Variants in TRHDE observed in about 807,000 individuals in gnomAD.
TRHDE encodes thyrotropin-releasing hormone-degrading ectoenzyme.
A neutral mutation model predicts 125.7 loss-of-function variants in TRHDE; 72 were observed. That is an observed-to-expected ratio of 0.57 (90% CI 0.47 to 0.70). The LOEUF is 0.70. TRHDE is among the 30% of genes least tolerant of loss of function. The pLI, the probability that TRHDE is intolerant of heterozygous loss-of-function variation, is 0.00. For missense variants in TRHDE, 1,110 were observed against 1,327.1 expected (o/e 0.84, Z 2.54); for synonymous variants, 509 against 509.1 (o/e 1.00, Z 0.00).
At chr12:72,259,524 T>C (rs1185521391) in intron 2 of TRHDE, among the ~76,000 whole-genome samples, 1 of 152,206 alleles carries the variant, frequency 6.6e-6, no homozygotes, top group African/African-American at 2.4e-5. Context: ...TGCTCAGGCA[T>C]TGTTGCTCCC....
At chr12:72,162,529 G>A (rs901105775) in intron 2 of TRHDE, among the ~76,000 whole-genome samples, 4 of 152,164 alleles carry the variant, frequency 2.6e-5, no homozygotes, top group African/African-American at 7.2e-5. Context: ...CACAGTAGTG[G>A]CAGAATGTTT....
chr12:72,213,224 A>G (rs1235902516), intron 2 of TRHDE, among the ~76,000 whole-genome samples: 2 of 152,060 alleles, frequency 1.3e-5, no homozygotes, highest in Admixed American at 6.6e-5. Flanking sequence ...GTTAATGGGT[A>G]TTGGTTGCTT....
chr12:72,149,420 C>G (rs1047143391), intron 2 of TRHDE, among the ~76,000 whole-genome samples: 9 of 152,070 alleles, frequency 5.9e-5, no homozygotes, highest in African/African-American at 2.2e-4. Flanking sequence ...TCTGGTATTG[C>G]TTAATTATGA....
At chr12:72,518,247 T>C (rs1440936747) in intron 6 of TRHDE, among the ~76,000 whole-genome samples, 3 of 146,426 alleles carry the variant, frequency 2.0e-5, no homozygotes, top group Non-Finnish European at 3.0e-5. Flanking sequence ...CAGTGGGGTG[T>C]TAAAGTCTCC....
At chr12:72,395,498 T>C (rs2135795877) in intron 3 of TRHDE, among the ~76,000 whole-genome samples, 1 of 152,154 alleles carries the variant, frequency 6.6e-6, no homozygotes, top group Middle Eastern at 3.4e-3. Flanking sequence ...CTCCAACAAC[T>C]TGTCACCCTC....
At chr12:72,542,173 T>C (rs530536915) in intron 6 of TRHDE, 118 bp from the exon 7 acceptor site, 2 of 635,234 alleles carry the variant, frequency 3.1e-6, no homozygotes, top group South Asian at 4.0e-5. Context: ...TACTGCTGTT[T>C]CTTAATTATT....
intron 6 of TRHDE, among the ~76,000 whole-genome samples, chr12:72,518,997 G>C: frequency 6.6e-6 from 1 of 152,236 alleles, no homozygotes; most frequent in Non-Finnish European, 1.5e-5. Context: ...GGCTGGTAGA[G>C]TTTCTGCCGA....
rs1875030184 is a variant in TRHDE at position 72,664,226 on chromosome 12, TA to T, written c.*1032del. Reference sequence around the variant, plus strand: ...TTTGCATGAAACAATTATGCAAACTTATAATTATTAGTGCTGAAAAAGAGTT... The same window carrying T: ...TTTGCATGAAACAATTATGCAAACTTTAATTATTAGTGCTGAAAAAGAGTT... On this transcript the variant is annotated 3_prime_UTR_variant, in exon 19 of 19. Transcript: ENST00000261180. The T allele has an allele frequency of 6.6e-6, 1 of 152,556 alleles. No homozygotes were observed. Among genetic ancestry groups the T allele is most frequent in the Non-Finnish European group, 1.5e-5 (1 of 68,028 alleles). 9.5% of individuals were successfully genotyped at this position (152,556 alleles called of 1,614,324 possible). A position where few individuals can be genotyped will look rare whatever the true frequency, so the allele number is the denominator to read the frequency against.
chr12:72,329,189 A>G (rs957198822), intron 2 of TRHDE, among the ~76,000 whole-genome samples: 1 of 152,192 alleles, frequency 6.6e-6, no homozygotes, highest in Non-Finnish European at 1.5e-5. Flanking sequence ...TATATTGTCT[A>G]CTATGTTAAA....
chr12:72,460,719 T>C (rs562868133), intron 3 of TRHDE, among the ~76,000 whole-genome samples: 2 of 152,128 alleles, frequency 1.3e-5, no homozygotes, highest in African/African-American at 2.4e-5. Flanking sequence ...GAAGGGGTCA[T>C]TTAATGTCTT....
chr12:72,148,023 G>T (rs1385981232), intron 2 of TRHDE, among the ~76,000 whole-genome samples: 1 of 152,190 alleles, frequency 6.6e-6, no homozygotes, highest in Non-Finnish European at 1.5e-5. Context: ...TTTTCACACT[G>T]TACATCAAAT....
At chr12:72,312,944 G>GAAAACTTTT (rs886603686) in intron 2 of TRHDE, among the ~76,000 whole-genome samples, 1 of 151,846 alleles carries the variant, frequency 6.6e-6, no homozygotes, top group Non-Finnish European at 1.5e-5. Context: ...TAACATTTTT[G>GAAAACTTTT]AAAACTTTTA....
rs374909134 is a variant in TRHDE, at chr12:72,575,766, A to G, written c.2321+224A>G. On this transcript the variant is annotated intron_variant, in intron 12 of 18. Transcript: ENST00000261180. ...CAGGATAAGCTTGATGAATTTCACC[A>G]CAAGGTCGATTTAACACTGAAGATT... is the stretch of plus-strand genomic sequence containing the variant. Among the ~76,000 whole-genome samples the G allele has an allele frequency of 3.3e-5, 5 of 152,216 alleles. No individual in the cohort carries two copies. The South Asian group carries it at 6.2e-4, about 19-fold the overall frequency.
intron 2 of TRHDE, among the ~76,000 whole-genome samples, chr12:72,236,421 C>T (rs1429729344): frequency 6.7e-6 from 1 of 149,890 alleles, no homozygotes; most frequent in African/African-American, 2.4e-5. Flanking sequence ...GAACTTGAAG[C>T]ATCTACATCA....
At chr12:72,207,093 G>A (rs903645682) in intron 2 of TRHDE, among the ~76,000 whole-genome samples, 1 of 152,112 alleles carries the variant, frequency 6.6e-6, no homozygotes, top group Non-Finnish European at 1.5e-5. Flanking sequence ...TACTTGCAAT[G>A]TTATTTTATC....
intron 3 of TRHDE, among the ~76,000 whole-genome samples, chr12:72,399,675 T>C (rs978823372): frequency 6.6e-6 from 1 of 152,146 alleles, no homozygotes; most frequent in Non-Finnish European, 1.5e-5. Context: ...ACATATAAGC[T>C]CAAAAATAAC....
At chr12:72,284,582 T>C (rs537786510) in intron 1 of TRHDE, among the ~76,000 whole-genome samples, 1 of 152,246 alleles carries the variant, frequency 6.6e-6, no homozygotes, top group East Asian at 1.9e-4. Flanking sequence ...TACTGGCAAA[T>C]TGGGAAAGAA....
intron 2 of TRHDE, among the ~76,000 whole-genome samples, chr12:72,224,166 GTATCTATCTATC>G (rs368211232): frequency 1.9e-4 from 12 of 62,984 alleles, no homozygotes; most frequent in South Asian, 9.5e-4. Flanking sequence ...ATGTATGTAT[GTATCTATCTATC>G]TATCTATCTA....
intron 7 of TRHDE, among the ~76,000 whole-genome samples, chr12:72,559,874 GA>G (rs990864158): frequency 1.1e-4 from 16 of 152,064 alleles, no homozygotes; most frequent in African/African-American, 3.9e-4. Flanking sequence ...TTCAGTCATG[GA>G]AATCTCCCTA....
Sources: allele counts gnomAD v4.1 joint callset (sites outside exome capture counted in the v4.1 genomes callset), GRCh38; gene constraint gnomAD v4.1.1; transcripts MANE v1.5; gene names NCBI Gene and HGNC (gene_info 2026-07-23, HGNC 2026-07-21).